CTNND2: variants seen among roughly 807,000 people sequenced by gnomAD.
CTNND2 encodes the protein catenin delta 2.
Under a neutral mutation model 144.4 loss-of-function variants are expected in CTNND2, and 22 were observed. The observed-to-expected ratio is 0.15, with a 90% CI of 0.11 to 0.22. The LOEUF is 0.22. CTNND2 is among the 10% of genes least tolerant of loss of function. The pLI is 1.00. For missense variants in CTNND2, 1,353 were observed against 1,618.8 expected, an observed-to-expected ratio of 0.84 and a Z score of 2.82; for synonymous variants, 751 against 695.6, an observed-to-expected ratio of 1.08 and a Z score of -1.25.
At chr5:11,526,072 T>A (rs1773219588) in intron 3 of CTNND2, among the ~76,000 whole-genome samples, 1 of 152,050 alleles carries the variant, frequency 6.6e-6, no homozygotes, top group South Asian at 2.1e-4. Flanking sequence ...CATGGCTAAT[T>A]TTTGTATTTT....
chr5:11,052,460 T>C (rs1304010587), intron 16 of CTNND2, among the ~76,000 whole-genome samples: 2 of 152,208 alleles, frequency 1.3e-5, no homozygotes, highest in Non-Finnish European at 2.9e-5. Flanking sequence ...ATAACTTGAT[T>C]GTTCAATCCA....
intron 3 of CTNND2, among the ~76,000 whole-genome samples, chr5:11,483,421 G>C (rs1768474569): frequency 6.6e-6 from 1 of 152,206 alleles, no homozygotes; most frequent in South Asian, 2.1e-4. Flanking sequence ...GGGCTGTGCA[G>C]TTCAAAGGAG....
chr5:11,558,418 T>C (rs957100769), intron 3 of CTNND2, among the ~76,000 whole-genome samples: 1 of 149,278 alleles, frequency 6.7e-6, no homozygotes, highest in South Asian at 2.2e-4. Flanking sequence ...CAGGCTGGAG[T>C]GCAGTGGCAC....
At chr5:11,575,612 C>T (rs1777914630) in intron 2 of CTNND2, among the ~76,000 whole-genome samples, 1 of 152,146 alleles carries the variant, frequency 6.6e-6, no homozygotes, top group African/African-American at 2.4e-5. Flanking sequence ...TTTGTTGAAA[C>T]TTAAATAGCT....
intron 2 of CTNND2, among the ~76,000 whole-genome samples, chr5:11,682,426 G>A (rs543863552): frequency 3.3e-5 from 5 of 152,220 alleles, no homozygotes; most frequent in East Asian, 3.9e-4. Context: ...CACAACATCC[G>A]GATAGATTCC....
intron 2 of CTNND2, among the ~76,000 whole-genome samples, chr5:11,597,151 A>G (rs1211992256): frequency 1.3e-5 from 2 of 152,186 alleles, no homozygotes; most frequent in African/African-American, 4.8e-5. Flanking sequence ...GAAACAGCAC[A>G]TTGTTCTTCT....
chr5:11,110,779 T>G (rs1752883721), intron 14 of CTNND2, 79 bp downstream of exon 14: 2 of 1,332,474 alleles, frequency 1.5e-6, no homozygotes, highest in Non-Finnish European at 2.0e-6. Context: ...GCAGGGCTCA[T>G]TCTCTATATA....
chr5:11,267,168 C>T (rs888408640), intron 9 of CTNND2, among the ~76,000 whole-genome samples: 12 of 152,312 alleles, frequency 7.9e-5, no homozygotes, highest in Non-Finnish European at 1.3e-4. Context: ...CGTGAGCCAC[C>T]GTGCCCGACC....
At position 11,027,932 on chromosome 5, in the gene CTNND2, TTC is replaced by T. The variant is rs145671891; in HGVS notation, c.2789-4955_2789-4954del. Reference sequence around the variant, plus strand: ...CGGTTTCCATGTTGTGTTTGTGACTTTCTGTTTCTATTTCTGAACTAAGCCTG... The same window carrying T: ...CGGTTTCCATGTTGTGTTTGTGACTTTGTTTCTATTTCTGAACTAAGCCTG... On this transcript the variant is annotated intron_variant, in intron 16 of 21. Coordinates refer to ENST00000304623, the MANE Select transcript of CTNND2 (RefSeq NM_001332.4). Among the ~76,000 whole-genome samples, 97 of 152,304 alleles carry T rather than the reference TTC, an allele frequency of 6.4e-4. 2 individuals carry two copies. In the East Asian group the frequency reaches 0.013, roughly 20 times the overall value.
intron 9 of CTNND2, among the ~76,000 whole-genome samples, chr5:11,245,298 G>A (rs1742878706): frequency 6.6e-6 from 1 of 152,178 alleles, no homozygotes; most frequent in Non-Finnish European, 1.5e-5. Context: ...CGTTATCCAG[G>A]TCCTAGTCCC....
chr5:11,649,590 C>T (rs1782542490), intron 2 of CTNND2, among the ~76,000 whole-genome samples: 1 of 152,178 alleles, frequency 6.6e-6, no homozygotes, highest in Admixed American at 6.5e-5. Flanking sequence ...GCAGAGATTA[C>T]AGGCGTGAGC....
intron 18 of CTNND2, among the ~76,000 whole-genome samples, chr5:11,012,235 G>A (rs886379148): frequency 1.3e-5 from 2 of 152,132 alleles, no homozygotes; most frequent in African/African-American, 2.4e-5. Context: ...GAAAACCAAG[G>A]GAGGGGGTGG....
At position 11,899,444 on chromosome 5, in the gene CTNND2, A is replaced by G. The variant is rs570119983; in HGVS notation, c.37+4373T>C. ...TATAATTTACTTCTCCTTTAGCTTA[A>G]CTGCTATATACTTTAATATATAAAG... On this transcript the variant is annotated intron_variant, in intron 1 of 21. Transcript: ENST00000304623. 6.6e-5 allele frequency among the ~76,000 whole-genome samples: 10 copies of G among 152,288 alleles called. No homozygotes were observed. In the South Asian group the frequency reaches 1.9e-3, roughly 28 times the overall value.
intron 11 of CTNND2, among the ~76,000 whole-genome samples, chr5:11,175,467 C>T (rs867583399): frequency 7.9e-5 from 12 of 152,102 alleles, no homozygotes; most frequent in Admixed American, 2.0e-4. Context: ...CCAGCACGCA[C>T]GCTGTTCGTT....
At chr5:11,351,261 T>C (rs891522156) in intron 8 of CTNND2, among the ~76,000 whole-genome samples, 2 of 152,222 alleles carry the variant, frequency 1.3e-5, no homozygotes, top group Non-Finnish European at 2.9e-5. Flanking sequence ...GGGCAAACAC[T>C]GGAGAGGGAA....
chr5:11,111,330 T>C (rs890022541), intron 13 of CTNND2, among the ~76,000 whole-genome samples: 3 of 152,204 alleles, frequency 2.0e-5, no homozygotes, highest in African/African-American at 7.2e-5. Context: ...GGGAAGAATG[T>C]ACAACCACGA....
intron 9 of CTNND2, among the ~76,000 whole-genome samples, chr5:11,280,197 C>A (rs1409377285): frequency 2.6e-5 from 4 of 152,088 alleles, no homozygotes; most frequent in Non-Finnish European, 4.4e-5. Flanking sequence ...CATTTAAAAT[C>A]CAGCAACATT....
chr5:11,640,529 T>C (rs1345481680), intron 2 of CTNND2, among the ~76,000 whole-genome samples: 1 of 152,150 alleles, frequency 6.6e-6, no homozygotes, highest in Non-Finnish European at 1.5e-5. Flanking sequence ...CAATAACAAA[T>C]AGCATATCTT....
intron 3 of CTNND2, among the ~76,000 whole-genome samples, chr5:11,558,757 G>A (rs1277417147): frequency 1.3e-5 from 2 of 152,146 alleles, no homozygotes; most frequent in Non-Finnish European, 2.9e-5. Context: ...CAAGAACATG[G>A]AGTTTGGAAC....
Sources: allele counts gnomAD v4.1 joint callset (sites outside exome capture counted in the v4.1 genomes callset), GRCh38; gene constraint gnomAD v4.1.1; transcripts MANE v1.5; gene names NCBI Gene and HGNC (gene_info 2026-07-23, HGNC 2026-07-21).